The following DIP2A variants were observed in gnomAD, a reference collection of about 807,000 sequenced individuals.
DIP2A encodes the protein DIP2 acetate--CoA ligase A.
DIP2A carries 85 observed loss-of-function variants against 177.4 expected under a neutral mutation model. The ratio of observed to expected loss-of-function variants is 0.48; its 90% CI spans 0.40 to 0.57. DIP2A has a LOEUF of 0.57. Ranked by LOEUF, DIP2A falls within the 20% of genes least tolerant of loss-of-function variation. DIP2A has a pLI of 0.00. For missense variants in DIP2A, 1,791 were observed against 2,100.2 expected, an observed-to-expected ratio of 0.85 and a Z score of 2.88; for synonymous variants, 886 against 881.8, an observed-to-expected ratio of 1.00 and a Z score of -0.08.
In DIP2A at chr21:46,522,706, G is replaced by A. The variant is rs552215564; in HGVS notation, c.1103-6386G>A. Among the ~76,000 whole-genome samples the A allele has an allele frequency of 1.5e-3, 231 of 152,170 alleles. 1 individual carries two copies. Among genetic ancestry groups the A allele is most frequent in the Non-Finnish European group, 1.1e-3 (74 of 68,002 alleles). On this transcript the variant is annotated intron_variant, in intron 8 of 37. Coordinates refer to ENST00000417564, the MANE Select transcript of DIP2A (RefSeq NM_015151.4). ...TCTCTCGTCATGTGAAATCAAAACC[G>A]TCAGATAACACAGTGCTGCAAAACA...
Position 46,537,385 on chromosome 21 carries a change from G to A in DIP2A, c.1708-61G>A. 6.2e-7 allele frequency: 1 copy of A among 1,610,874 alleles called. No homozygotes were observed. Among genetic ancestry groups the A allele is most frequent in the Non-Finnish European group, 8.5e-7 (1 of 1,177,122 alleles). On this transcript the variant is annotated intron_variant, in intron 14 of 37. Coordinates refer to ENST00000417564, the MANE Select transcript of DIP2A (RefSeq NM_015151.4). This position sits in a 1 kb window ranked among gnomAD's most constrained non-coding sequence, Gnocchi z 4.1. ...GTTGTTGGGAGAGTACATCGGTTTT[G>A]TTTTGCTTTTTCTGGTGTGGCTCGG...
At chr21:46,528,527 CTTTTTTTTTTTTT>C (rs1162872343) in intron 8 of DIP2A, among the ~76,000 whole-genome samples, 451 of 29,384 alleles carry the variant, frequency 0.015, 12 homozygotes, top group African/African-American at 0.066. Context: ...TTTCTGCTTG[CTTTTTTTTTTTTT>C]TTTTTTTTTT....
chr21:46,573,369 A>G (rs191575328), downstream of DIP2A, among the ~76,000 whole-genome samples: 15 of 152,148 alleles, frequency 9.9e-5, no homozygotes, highest in East Asian at 2.7e-3. Context: ...CAGGATGGAA[A>G]AATATATTCA....
chr21:46,494,781 C>A (rs1436019546), intron 3 of DIP2A, among the ~76,000 whole-genome samples: 1 of 152,170 alleles, frequency 6.6e-6, no homozygotes, highest in African/African-American at 2.4e-5. Context: ...TTTATTCTTA[C>A]CGATATTCAG....
intron 18 of DIP2A, 35 bp downstream of exon 18, chr21:46,541,930 G>T (rs1319931162): frequency 1.2e-6 from 2 of 1,613,172 alleles, no homozygotes; most frequent in Non-Finnish European, 1.7e-6. Context: ...CTTTGTCCAT[G>T]ACTGATTGAG....
chr21:46,541,035 A>AG (rs2059795621), intron 17 of DIP2A, among the ~76,000 whole-genome samples: 1 of 150,880 alleles, frequency 6.6e-6, no homozygotes, highest in African/African-American at 2.5e-5. Flanking sequence ...AAAAAAAAAA[A>AG]GTTACCCTAT....
intron 1 of DIP2A, among the ~76,000 whole-genome samples, chr21:46,477,543 T>TTGTGTGTGGGTG (rs2055972511): frequency 1.1e-5 from 1 of 87,094 alleles, no homozygotes; most frequent in Admixed American, 1.4e-4. Flanking sequence ...AAAAAAAGAT[T>TTGTGTGTGGGTG]TGTGTGTGTG....
chr21:46,552,700 C>T lies in DIP2A; in HGVS notation c.3030+796C>T, dbSNP rs16979369. 4.6e-3 allele frequency among the ~76,000 whole-genome samples: 707 copies of T among 152,240 alleles called. 5 individuals carry two copies. The highest frequency in any genetic ancestry group is 0.016 in the African/African-American group (669 of 41,526). On this transcript the variant is annotated intron_variant, in intron 25 of 37. Transcript: ENST00000417564. Reference sequence around the variant, plus strand: ...GTGCACAGTAATAAGATTAAAAGGACCCCTACTCTCAGGAGGCTTAAAATC... The same window carrying T: ...GTGCACAGTAATAAGATTAAAAGGATCCCTACTCTCAGGAGGCTTAAAATC...
At chr21:46,542,485 A>C (rs550287885) in intron 18 of DIP2A, among the ~76,000 whole-genome samples, 1 of 152,366 alleles carries the variant, frequency 6.6e-6, no homozygotes, top group East Asian at 1.9e-4. Flanking sequence ...AGCTTCCCAG[A>C]AATTCCTCGA....
At chr21:46,552,806 C>G (rs1009418229) in intron 25 of DIP2A, 1 of 152,180 alleles carries the variant, frequency 6.6e-6, no homozygotes, top group Admixed American at 6.5e-5. Context: ...GAACCATGCC[C>G]AGTAAACATT....
downstream of DIP2A, among the ~76,000 whole-genome samples, chr21:46,572,488 G>A (rs12483634): frequency 0.25 from 38,316 of 152,028 alleles, 5,246 homozygotes; most frequent in East Asian, 0.31. Flanking sequence ...AAGAGGTGGG[G>A]CCCTTAAGAG....
chr21:46,554,054 G>A, intron 25 of DIP2A, 115 bp from the exon 26 acceptor site: 2 of 1,337,834 alleles, frequency 1.5e-6, no homozygotes, highest in Non-Finnish European at 2.0e-6. Flanking sequence ...CATTATCATG[G>A]ACGCTAATCA....
chr21:46,565,156 A>G (rs1190349659), intron 35 of DIP2A, among the ~76,000 whole-genome samples: 1 of 152,158 alleles, frequency 6.6e-6, no homozygotes, highest in Non-Finnish European at 1.5e-5. Context: ...GGATGCACAA[A>G]ATGCTTACGT....
intron 2 of DIP2A, among the ~76,000 whole-genome samples, chr21:46,485,238 G>T (rs1343598394): frequency 2.0e-5 from 1 of 51,112 alleles, no homozygotes; most frequent in African/African-American, 8.1e-5. Flanking sequence ...AATAGGTTTT[G>T]TGTGTGTGTG....
rs1451883023 is a variant in DIP2A, at chr21:46,559,514, C to T, written c.3969+1121C>T. On this transcript the variant is annotated intron_variant, in intron 32 of 37. Coordinates refer to ENST00000417564, the MANE Select transcript of DIP2A (RefSeq NM_015151.4). ...CCACTCAAGCCTCAGACCCTTGTCACGCAGCAGAGGAGATCGGGCGGGAGC... is the reference window on the plus strand; with the variant it reads ...CCACTCAAGCCTCAGACCCTTGTCATGCAGCAGAGGAGATCGGGCGGGAGC... Among the ~76,000 whole-genome samples the T allele has an allele frequency of 3.9e-5, 6 of 152,216 alleles. No homozygotes were observed. The East Asian group carries it at 5.8e-4, about 15-fold the overall frequency.
chr21:46,467,579 G>A (rs571652399), intron 1 of DIP2A, among the ~76,000 whole-genome samples: 3 of 152,084 alleles, frequency 2.0e-5, no homozygotes, highest in Admixed American at 1.3e-4. Flanking sequence ...CTATTGCCTA[G>A]TTTAATAATT....
Position 46,537,604 on chromosome 21 carries a change from G to T in DIP2A, c.1801+65G>T. ...GGAAATCTCTTTGAACTGACCTTTG[G>T]TGCTTAAGAAAAAATAAAGCTGACA... On this transcript the variant is annotated intron_variant, in intron 15 of 37. Coordinates refer to ENST00000417564, the MANE Select transcript of DIP2A (RefSeq NM_015151.4). The surrounding 1 kb of genome is among the most constrained non-coding windows in gnomAD (Gnocchi z 4.1). 6.7e-7 allele frequency: 1 copy of T among 1,491,192 alleles called. No homozygotes were observed. Among genetic ancestry groups the T allele is most frequent in the Non-Finnish European group, 9.3e-7 (1 of 1,080,954 alleles). The allele number at this position is 1,491,192 out of a possible 1,614,324, so 92.4% of individuals were successfully genotyped here. A position where few individuals can be genotyped will look rare whatever the true frequency, so the allele number is the denominator to read the frequency against.
At position 46,534,765 on chromosome 21, in the gene DIP2A, A is replaced by T. The variant is rs117062128; in HGVS notation, c.1642+78A>T. 3.6e-5 allele frequency: 48 copies of T among 1,322,362 alleles called. No individual in the cohort carries two copies. The East Asian group carries it at 1.1e-3, about 31-fold the overall frequency. The allele number at this position is 1,322,362 out of a possible 1,614,324, so 81.9% of individuals were successfully genotyped here. ...TGACGTACCTAATCATGTGACTGTC[A>T]CTGCACCTGTCAAAACCACCCCTGG... On this transcript the variant is annotated intron_variant, in intron 13 of 37. Coordinates refer to ENST00000417564, the MANE Select transcript of DIP2A (RefSeq NM_015151.4).
chr21:46,510,164 C>T (rs1343728024), intron 7 of DIP2A, among the ~76,000 whole-genome samples: 2 of 152,192 alleles, frequency 1.3e-5, no homozygotes, highest in African/African-American at 4.8e-5. Context: ...GTCTGAGTCC[C>T]AGTGCTGAAG....
Sources: allele counts gnomAD v4.1 joint callset (sites outside exome capture counted in the v4.1 genomes callset), GRCh38; gene constraint gnomAD v4.1.1; non-coding constraint Gnocchi (gnomAD v3.1); transcripts MANE v1.5; gene names NCBI Gene and HGNC (gene_info 2026-07-23, HGNC 2026-07-21).